Variants in RB1 observed in about 807,000 individuals in gnomAD.
The protein encoded by RB1 is RB transcriptional corepressor 1.
Under a neutral mutation model 135.4 loss-of-function variants are expected in RB1, and 18 were observed. The ratio of observed to expected loss-of-function variants is 0.13; its 90% confidence interval spans 0.09 to 0.20. The LOEUF is 0.20. Among genes scored for constraint, RB1 ranks in the 10% least tolerant of loss-of-function variants. The pLI is 1.00. For synonymous variants in RB1, 365 were observed against 373.2 expected (o/e 0.98, Z 0.25); for missense variants, 868 against 1,110.0 (o/e 0.78, Z 3.10).
At chr13:48,371,964 A>G (rs1734391732) in intron 11 of RB1, among the ~76,000 whole-genome samples, 1 of 152,176 alleles carries the variant, frequency 6.6e-6, no homozygotes, top group Non-Finnish European at 1.5e-5. Context: ...TGAACTGCGC[A>G]TGTGAGGGAT....
intron 2 of RB1, among the ~76,000 whole-genome samples, chr13:48,324,543 A>G (rs1292768175): frequency 1.3e-5 from 2 of 151,426 alleles, no homozygotes; most frequent in Admixed American, 6.6e-5. Flanking sequence ...ACAGGATTTC[A>G]TTCTGTTTTA....
chr13:48,312,453 C>A (rs1204971217), intron 2 of RB1, among the ~76,000 whole-genome samples: 1 of 152,020 alleles, frequency 6.6e-6, no homozygotes, highest in Admixed American at 6.5e-5. Flanking sequence ...GTTTTTGTTC[C>A]TTATCTGGCT....
Position 48,345,121 on chromosome 13 carries a change from G to C in RB1, c.422G>C (p.Ser141Thr), listed in dbSNP as rs2138087383. The change falls in exon 4 of 27, where the codon AGT becomes ACT. Residue 141 changes from serine to threonine, a missense_variant. Ser to Thr is a moderately conservative substitution (Grantham distance 58). Transcript: ENST00000267163. Reference protein sequence around the residue: ...FFNLLKEIDTSTKVDNAMSRL... With the variant: ...FFNLLKEIDTTTKVDNAMSRL... Reference sequence around the variant, plus strand: ...AACTTACTAAAAGAAATTGATACCAGTACCAAAGTTGATAATGCTATGTCA... The same window carrying C: ...AACTTACTAAAAGAAATTGATACCACTACCAAAGTTGATAATGCTATGTCA... The C allele has an allele frequency of 6.2e-7, 1 of 1,612,826 alleles. No homozygotes were observed. Among genetic ancestry groups the C allele is most frequent in the South Asian group, 1.1e-5 (1 of 91,050 alleles).
At chr13:48,466,083 G>A (rs1010068628) in intron 23 of RB1, among the ~76,000 whole-genome samples, 180 of 151,162 alleles carry the variant, frequency 1.2e-3, no homozygotes, top group African/African-American at 4.0e-3. Flanking sequence ...GCCTGCCTTT[G>A]TAGGCTCCAC....
intron 17 of RB1, among the ~76,000 whole-genome samples, chr13:48,398,112 G>A (rs1593466909): frequency 6.6e-6 from 1 of 152,124 alleles, no homozygotes; most frequent in Non-Finnish European, 1.5e-5. Flanking sequence ...TTACACAACA[G>A]CCATGCTAAT....
In RB1 at chr13:48,382,383, C is replaced by T. The variant is rs558950527; in HGVS notation, c.1695+940C>T. Among the ~76,000 whole-genome samples the T allele has an allele frequency of 3.8e-4, 58 of 152,190 alleles. 2 individuals are homozygous for T. In the South Asian group the frequency reaches 7.3e-3, roughly 19 times the overall value. On this transcript the variant is annotated intron_variant, in intron 17 of 26. Transcript: ENST00000267163. ...TGTTGTTTCCTGACTTTTTAATGAT[C>T]GCCATTCTAACTGGTGTGAGATGGT...
At chr13:48,477,588 G>T (rs181277923) in intron 26 of RB1, among the ~76,000 whole-genome samples, 184 bp downstream of exon 26, 8 of 152,220 alleles carry the variant, frequency 5.3e-5, no homozygotes, top group Admixed American at 4.6e-4. Context: ...GATGTAAAAT[G>T]AAGGTCATTT....
intron 26 of RB1, among the ~76,000 whole-genome samples, chr13:48,478,945 G>A (rs576566966): frequency 2.0e-5 from 3 of 152,116 alleles, no homozygotes; most frequent in Non-Finnish European, 4.4e-5. Flanking sequence ...GCCATGCCCC[G>A]GGTAGGCATG....
At chr13:48,386,929 C>T (rs950610502) in intron 17 of RB1, among the ~76,000 whole-genome samples, 2 of 152,050 alleles carry the variant, frequency 1.3e-5, no homozygotes, top group South Asian at 2.1e-4. Context: ...TCTTAAAATA[C>T]GAAAAATTTA....
intron 17 of RB1, among the ~76,000 whole-genome samples, chr13:48,393,066 A>C (rs1410055621): frequency 1.3e-5 from 2 of 152,142 alleles, no homozygotes; most frequent in Non-Finnish European, 2.9e-5. Flanking sequence ...TATCCCATAT[A>C]TGACAAGGTT....
At position 48,382,666 on chromosome 13, in the gene RB1, T is replaced by A. The variant is rs537641143; in HGVS notation, c.1695+1223T>A. ...GGTTGCCTGTTCACTCTGATCGTAGTTTCTTTTGCTGTGCAGAAGCTCTTT... is the reference window on the plus strand; with the variant it reads ...GGTTGCCTGTTCACTCTGATCGTAGATTCTTTTGCTGTGCAGAAGCTCTTT... On this transcript the variant is annotated intron_variant, in intron 17 of 26. Transcript: ENST00000267163. Among the ~76,000 whole-genome samples the A allele has an allele frequency of 1.1e-4, 16 of 152,348 alleles. No homozygotes were observed. In the South Asian group the frequency reaches 2.9e-3, roughly 28 times the overall value.
At chr13:48,388,679 TGAAGTTTG>T (rs1948588612) in intron 17 of RB1, among the ~76,000 whole-genome samples, 1 of 152,106 alleles carries the variant, frequency 6.6e-6, no homozygotes, top group Admixed American at 6.6e-5. Context: ...GCTGAGTAAC[TGAAGTTTG>T]GAGAAGGGAT....
chr13:48,312,587 A>G (rs989140376), intron 2 of RB1, among the ~76,000 whole-genome samples: 5 of 152,288 alleles, frequency 3.3e-5, no homozygotes, highest in African/African-American at 9.6e-5. Flanking sequence ...GTCTGTCCAT[A>G]GGACTAATTA....
chr13:48,435,413 T>A (rs1424207861), intron 17 of RB1, among the ~76,000 whole-genome samples: 1 of 152,154 alleles, frequency 6.6e-6, no homozygotes, highest in Non-Finnish European at 1.5e-5. Flanking sequence ...TCTGATTGGA[T>A]TGTTTGTTTT....
At chr13:48,465,664 G>A (rs1949436694) in intron 23 of RB1, among the ~76,000 whole-genome samples, 1 of 151,474 alleles carries the variant, frequency 6.6e-6, no homozygotes, top group Non-Finnish European at 1.5e-5. Context: ...ATCTCACTAG[G>A]GAGTGCCAGA....
chr13:48,408,330 A>G (rs1462834672), intron 17 of RB1, among the ~76,000 whole-genome samples: 2 of 152,080 alleles, frequency 1.3e-5, no homozygotes, highest in African/African-American at 2.4e-5. Context: ...CTCAGTAAAG[A>G]TGATTTCTAA....
rs1386377915 is a variant in RB1 at position 48,319,435 on chromosome 13, T to G, written c.264+12029T>G. On this transcript the variant is annotated intron_variant, in intron 2 of 26. Coordinates refer to ENST00000267163, the MANE Select transcript of RB1 (RefSeq NM_000321.3). The surrounding 1 kb of genome is among the most constrained non-coding windows in gnomAD (Gnocchi z 5.0). ...GACGCCTCGGGCGCCTGCGCCGCAC[T>G]TGTGACTTGCTTTCCCCTTCTCAGG... 1 of 360,514 alleles carries G rather than the reference T, an allele frequency of 2.8e-6. No individual in the cohort carries two copies. Among genetic ancestry groups the G allele is most frequent in the African/African-American group, 2.1e-5 (1 of 46,536 alleles). The allele number at this position is 360,514 out of a possible 1,614,324, so 22.3% of individuals were successfully genotyped here.
At chr13:48,377,152 A>ATAC in intron 13 of RB1, 118 bp downstream of exon 13, 1 of 1,083,586 alleles carries the variant, frequency 9.2e-7, no homozygotes, top group South Asian at 1.3e-5. Context: ...ATACTGTCAG[A>ATAC]TACTATATCC....
At chr13:48,353,790 TAAAC>T (rs775427926) in intron 6 of RB1, among the ~76,000 whole-genome samples, 29 of 152,200 alleles carry the variant, frequency 1.9e-4, no homozygotes, top group Non-Finnish European at 3.2e-4. Flanking sequence ...TGGTTCAACA[TAAAC>T]AAATCAATGT....
Sources: gnomAD v4.1 joint callset for allele counts (sites outside exome capture counted in the v4.1 genomes callset) on GRCh38, gnomAD v4.1.1 for gene constraint, Gnocchi (gnomAD v3.1) non-coding constraint, MANE v1.5 for transcripts, NCBI Gene and HGNC (gene_info 2026-07-23, HGNC 2026-07-21) for gene names.